MTA3: variants seen among roughly 807,000 people sequenced by gnomAD.
The protein encoded by MTA3 is metastasis associated 1 family member 3.
MTA3 carries 34 observed loss-of-function variants against 83.5 expected under a neutral mutation model. The observed-to-expected ratio is 0.41, with a 90% confidence interval of 0.31 to 0.54. MTA3 has a LOEUF of 0.54. Among genes scored for constraint, MTA3 ranks in the 20% least tolerant of loss-of-function variants. The pLI is 0.33. For synonymous variants in MTA3, 303 were observed against 252.7 expected, an observed-to-expected ratio of 1.20 and a Z score of -1.89; for missense variants, 761 against 726.4, an observed-to-expected ratio of 1.05 and a Z score of -0.55.
intron 8 of MTA3, among the ~76,000 whole-genome samples, chr2:42,681,436 G>C (rs1467346170): frequency 1.3e-5 from 2 of 152,096 alleles, no homozygotes; most frequent in East Asian, 1.9e-4. Context: ...TACATAATCT[G>C]TATATTTTTC....
chr2:42,544,973 C>G (rs1199657927), intron 2 of MTA3, among the ~76,000 whole-genome samples: 3 of 152,304 alleles, frequency 2.0e-5, no homozygotes, highest in Non-Finnish European at 2.9e-5. Flanking sequence ...ACAGCCCATT[C>G]TTTGAACAAC....
At chr2:42,718,769 ATAC>A (rs1428103364) in intron 14 of MTA3, among the ~76,000 whole-genome samples, 2 of 152,148 alleles carry the variant, frequency 1.3e-5, no homozygotes, top group Non-Finnish European at 1.5e-5. Flanking sequence ...TCTCAAAATA[ATAC>A]TACTACTAAT....
chr2:42,575,476 C>T (rs1408466721), intron 2 of MTA3, among the ~76,000 whole-genome samples: 1 of 152,122 alleles, frequency 6.6e-6, no homozygotes, highest in East Asian at 1.9e-4. Context: ...TATTTACAAA[C>T]TGCTTTGATT....
intron 6 of MTA3, among the ~76,000 whole-genome samples, chr2:42,648,276 T>C (rs1249655920): frequency 1.3e-5 from 2 of 152,228 alleles, no homozygotes; most frequent in Admixed American, 1.3e-4. Context: ...TAGTACCTGA[T>C]TGCAGGGAAG....
At chr2:42,654,065 A>G (rs1342813590) in intron 6 of MTA3, among the ~76,000 whole-genome samples, 1 of 152,246 alleles carries the variant, frequency 6.6e-6, no homozygotes, top group Non-Finnish European at 1.5e-5. Flanking sequence ...TAAGAATTGT[A>G]AACAAAACAA....
chr2:42,640,448 G>T (rs1477009448), intron 5 of MTA3, among the ~76,000 whole-genome samples: 1 of 152,196 alleles, frequency 6.6e-6, no homozygotes, highest in Non-Finnish European at 1.5e-5. Context: ...CTGTTTTTCA[G>T]TTGGTAATGA....
At chr2:42,650,074 C>T (rs940689629) in intron 6 of MTA3, among the ~76,000 whole-genome samples, 4 of 152,154 alleles carry the variant, frequency 2.6e-5, no homozygotes, top group Non-Finnish European at 4.4e-5. Flanking sequence ...AGAATATGAA[C>T]TTCTTAACAA....
At chr2:42,679,840 G>GT (rs36100227) in intron 8 of MTA3, among the ~76,000 whole-genome samples, 194 of 140,464 alleles carry the variant, frequency 1.4e-3, no homozygotes, top group Non-Finnish European at 2.0e-3. Flanking sequence ...GCTGTGTGTT[G>GT]TTTTTTTTTT....
chr2:42,690,560 G>T (rs2104457163), intron 9 of MTA3, among the ~76,000 whole-genome samples: 1 of 149,796 alleles, frequency 6.7e-6, no homozygotes, highest in Non-Finnish European at 1.5e-5. Flanking sequence ...CATTAATTTT[G>T]AGTAATTCTT....
chr2:42,729,434 T>C (rs1668099118), intron 16 of MTA3, among the ~76,000 whole-genome samples: 1 of 152,070 alleles, frequency 6.6e-6, no homozygotes, highest in Non-Finnish European at 1.5e-5. Flanking sequence ...AGTATTTAAT[T>C]TATTTTGATT....
chr2:42,581,628 C>T (rs551320343), intron 3 of MTA3, among the ~76,000 whole-genome samples: 18 of 151,746 alleles, frequency 1.2e-4, no homozygotes, highest in African/African-American at 3.4e-4. Context: ...AGCAGTCCTC[C>T]GACCTCGGCC....
intron 2 of MTA3, among the ~76,000 whole-genome samples, chr2:42,530,715 G>A (rs1675924587): frequency 6.6e-6 from 1 of 151,786 alleles, no homozygotes; most frequent in African/African-American, 2.4e-5. Context: ...AACCTGGGAG[G>A]CGGAGGTTGC....
At chr2:42,528,887 T>C (rs1275535928) in intron 2 of MTA3, among the ~76,000 whole-genome samples, 1 of 152,186 alleles carries the variant, frequency 6.6e-6, no homozygotes, top group Admixed American at 6.5e-5. Flanking sequence ...AAAAAGAAAG[T>C]GACACACAGA....
At chr2:42,500,746 G>A (rs956680314) in intron 2 of MTA3, among the ~76,000 whole-genome samples, 4 of 150,460 alleles carry the variant, frequency 2.7e-5, no homozygotes, top group African/African-American at 9.8e-5. Flanking sequence ...AACAAGTACA[G>A]CATAGTACAT....
rs376657456 is a variant in MTA3, at chr2:42,697,177, T to A, written c.967-599T>A. On this transcript the variant is annotated intron_variant, in intron 10 of 16. Transcript: ENST00000405094. ...TGGTCAGTGTCTGGATTTGATTATA[T>A]AATCTCCTTCCCCTTCCTTTCCCTA... Among the ~76,000 whole-genome samples the A allele has an allele frequency of 3.9e-5, 6 of 152,268 alleles. No individual in the cohort carries two copies. In the East Asian group the frequency reaches 1.2e-3, roughly 29 times the overall value.
intron 2 of MTA3, among the ~76,000 whole-genome samples, chr2:42,552,629 A>G (rs1210626389): frequency 6.6e-6 from 1 of 151,606 alleles, no homozygotes; most frequent in Non-Finnish European, 1.5e-5. Context: ...TGTCCAAAAA[A>G]AAAAAAAAAA....
chr2:42,626,097 C>T (rs1686058472), intron 4 of MTA3, among the ~76,000 whole-genome samples: 1 of 150,794 alleles, frequency 6.6e-6, no homozygotes, highest in South Asian at 2.1e-4. Context: ...CGCCTGCCAC[C>T]ACTCTCAGCT....
intron 16 of MTA3, among the ~76,000 whole-genome samples, chr2:42,740,185 A>G (rs533674482): frequency 1.1e-4 from 17 of 152,366 alleles, no homozygotes; most frequent in African/African-American, 3.4e-4. Flanking sequence ...TAGCCTTACA[A>G]AATGTATTTC....
chr2:42,548,802 CAA>C lies in MTA3; in HGVS notation c.-140-21627_-140-21626del, dbSNP rs1362657510. Among the ~76,000 whole-genome samples the C allele has an allele frequency of 2.2e-3, 96 of 42,946 alleles. 3 individuals are homozygous for C. The highest frequency in any genetic ancestry group is 9.2e-3 in the South Asian group (10 of 1,088). 28.2% of individuals were successfully genotyped at this position (42,946 alleles called of 152,430 possible). On this transcript the variant is annotated intron_variant, in intron 2 of 17. Transcript: ENST00000405592. ...TGGGTGACAGAGTGAGACCCTGTCT[CAA>C]AAAAAAATATATATATATATATATA...
Sources: gnomAD v4.1 joint callset for allele counts (sites outside exome capture counted in the v4.1 genomes callset) on GRCh38, gnomAD v4.1.1 for gene constraint, MANE v1.5 for transcripts, NCBI Gene and HGNC (gene_info 2026-07-23, HGNC 2026-07-21) for gene names.